PCDHGA5: variants seen among roughly 807,000 people sequenced by gnomAD.
The protein encoded by PCDHGA5 is protocadherin gamma-A5.
In PCDHGA5, 36 loss-of-function variants were observed where a neutral mutation model predicts 56.7. That is an observed-to-expected ratio of 0.64 (90% CI 0.49 to 0.84). The LOEUF (loss-of-function observed/expected upper bound fraction) is 0.84, where lower values mean the gene tolerates loss of function less well. Among genes scored for constraint, PCDHGA5 ranks in the 40% least tolerant of loss-of-function variants. The pLI is 0.00. For synonymous variants in PCDHGA5, 563 were observed against 520.2 expected, an observed-to-expected ratio of 1.08 and a Z score of -1.12; for missense variants, 1,305 against 1,201.5, an observed-to-expected ratio of 1.09 and a Z score of -1.27.
chr5:141,381,890 T>C (rs1471901059), intron 1 of PCDHGA5, among the ~76,000 whole-genome samples: 1 of 139,844 alleles, frequency 7.2e-6, no homozygotes, highest in African/African-American at 2.7e-5. Context: ...AGTGCAATGG[T>C]GTGATCTCGG....
At position 141,364,347 on chromosome 5, in the gene PCDHGA5, G is replaced by C; in HGVS notation, c.17G>C (p.Arg6Thr). MASPP[R>T]GWGCGELLLP... ...GAGAAGGCAATGGCGAGTCCACCTAGGGGCTGGGGCTGCGGAGAGCTGCTG... is the reference window on the plus strand; with the variant it reads ...GAGAAGGCAATGGCGAGTCCACCTACGGGCTGGGGCTGCGGAGAGCTGCTG... Residue 6 changes from arginine to threonine, a missense_variant, in exon 1 of 4, where the codon AGG becomes ACG. Physicochemically the swap from Arg to Thr is moderately conservative, Grantham distance 71 (BLOSUM62 -1). Transcript: ENST00000518069. 1 of 1,543,210 alleles carries C rather than the reference G, an allele frequency of 6.5e-7. No homozygotes were observed. Among genetic ancestry groups the C allele is most frequent in the East Asian group, 2.3e-5 (1 of 44,342 alleles).
chr5:141,433,108 G>A (rs2097568903), intron 1 of PCDHGA5: 2 of 1,614,146 alleles, frequency 1.2e-6, no homozygotes, highest in East Asian at 2.2e-5. Context: ...TCAGCCAGGA[G>A]AGCTTTGAAA....
At chr5:141,411,955 A>G (rs1427605209) in intron 1 of PCDHGA5, 2 of 152,244 alleles carry the variant, frequency 1.3e-5, no homozygotes, top group Admixed American at 6.5e-5. Context: ...TTTGAAGAAA[A>G]AAGATAAAAT....
chr5:141,366,741 G>T lies in PCDHGA5; in HGVS notation c.2411G>T (p.Arg804Leu). 6.2e-7 allele frequency: 1 copy of T among 1,611,828 alleles called. No homozygotes were observed. The highest frequency in any genetic ancestry group is 1.1e-5 in the South Asian group (1 of 90,922). The change falls in exon 1 of 4, where the codon CGG becomes CTG. Residue 804 changes from arginine (R) to leucine (L), a missense_variant. Transcript: ENST00000518069. The part of the protein sequence containing the change: ...SDKVDANKEE[R>L]RVQQAPPNTD... ...AAGGTAGATGCAAACAAAGAAGAAC[G>T]GCGAGTTCAGGTTAGTTTTCTCTTT...
chr5:141,433,767 G>T (rs1237334342), intron 1 of PCDHGA5, among the ~76,000 whole-genome samples: 1 of 151,532 alleles, frequency 6.6e-6, no homozygotes, highest in Non-Finnish European at 1.5e-5. Flanking sequence ...AACCTGGGAG[G>T]TGGAGGTTGC....
At chr5:141,410,469 T>C in intron 1 of PCDHGA5, 1 of 1,614,026 alleles carries the variant, frequency 6.2e-7, no homozygotes, top group Non-Finnish European at 8.5e-7. Context: ...AATCTGTGCA[T>C]TGCACATACG....
intron 1 of PCDHGA5, chr5:141,376,677 T>TTTTTTTTTTG: frequency 9.5e-6 from 1 of 105,324 alleles, no homozygotes; most frequent in Non-Finnish European, 1.5e-5. Flanking sequence ...GAGGGTATCG[T>TTTTTTTTTTG]TTTTTTTTTT....
At chr5:141,482,888 A>G (rs1012212528) in intron 1 of PCDHGA5, among the ~76,000 whole-genome samples, 3 of 152,208 alleles carry the variant, frequency 2.0e-5, no homozygotes, top group African/African-American at 7.2e-5. Context: ...CCTGGCCAAC[A>G]TGGTGAAACC....
intron 1 of PCDHGA5, among the ~76,000 whole-genome samples, chr5:141,467,441 T>C (rs919148544): frequency 6.6e-6 from 1 of 152,340 alleles, no homozygotes; most frequent in African/African-American, 2.4e-5. Context: ...CATTCATTAC[T>C]TTTTTCTTCC....
chr5:141,431,227 C>A lies in PCDHGA5; in HGVS notation c.2422-63580C>A, dbSNP rs759752051. On this transcript the variant is annotated intron_variant, in intron 1 of 3. Transcript: ENST00000518069. This position sits in a 1 kb window ranked among gnomAD's most constrained non-coding sequence, Gnocchi z 4.8. Reference sequence around the variant, plus strand: ...CTGAGATGCGGTTCCCTCTACCCCACGCCTGGGATCCGGATATCGGGAAGA... The same window carrying A: ...CTGAGATGCGGTTCCCTCTACCCCAAGCCTGGGATCCGGATATCGGGAAGA... 6.2e-7 allele frequency: 1 copy of A among 1,614,180 alleles called. No homozygotes were observed. The highest frequency in any genetic ancestry group is 8.5e-7 in the Non-Finnish European group (1 of 1,180,042).
intron 1 of PCDHGA5, chr5:141,372,037 T>TGC (rs772549612): frequency 5.6e-6 from 9 of 1,613,494 alleles, no homozygotes; most frequent in Middle Eastern, 1.7e-4. Flanking sequence ...AACGTGAGCC[T>TGC]GCGCGTGTTG....
intron 1 of PCDHGA5, chr5:141,422,347 G>A (rs1456770985): frequency 3.9e-6 from 6 of 1,553,980 alleles, no homozygotes; most frequent in Non-Finnish European, 5.2e-6. Context: ...AAATGTGCAA[G>A]ATCAAGATTC....
chr5:141,480,402 G>A (rs1268532373), intron 1 of PCDHGA5, among the ~76,000 whole-genome samples: 2 of 145,838 alleles, frequency 1.4e-5, no homozygotes, highest in African/African-American at 2.6e-5. Flanking sequence ...GCAATAGAGT[G>A]AGACCCTGTC....
chr5:141,419,870 G>C, intron 1 of PCDHGA5: 1 of 1,614,054 alleles, frequency 6.2e-7, no homozygotes, highest in Non-Finnish European at 8.5e-7. Context: ...CTTGCAAGAG[G>C]TACTGCCGGA....
intron 1 of PCDHGA5, chr5:141,400,587 C>T: frequency 6.2e-7 from 1 of 1,606,696 alleles, no homozygotes; most frequent in South Asian, 1.1e-5. Flanking sequence ...TTACATGAAA[C>T]TATCGTACAT....
intron 1 of PCDHGA5, chr5:141,440,464 G>C (rs2003094): frequency 1.3e-5 from 2 of 152,150 alleles, no homozygotes; most frequent in Admixed American, 6.5e-5. Context: ...ATGAACAAAC[G>C]GTAGTTGAAA....
intron 1 of PCDHGA5, chr5:141,376,446 GC>G (rs1772699263): frequency 6.2e-7 from 1 of 1,614,074 alleles, no homozygotes. Flanking sequence ...TATGAGAAAA[GC>G]GAGCCTCTTC....
At chr5:141,389,315 G>A (rs1257183989) in intron 1 of PCDHGA5, 2 of 1,613,866 alleles carry the variant, frequency 1.2e-6, no homozygotes, top group African/African-American at 1.3e-5. Flanking sequence ...CTTCTGATCC[G>A]GACTTGGGGC....
intron 2 of PCDHGA5, among the ~76,000 whole-genome samples, chr5:141,503,954 C>T (rs2099834393): frequency 6.6e-6 from 1 of 152,186 alleles, no homozygotes; most frequent in Non-Finnish European, 1.5e-5. Flanking sequence ...GCCTACCCTA[C>T]AGCCTTTCCC....
Sources: gnomAD v4.1 joint callset for allele counts (sites outside exome capture counted in the v4.1 genomes callset) on GRCh38, gnomAD v4.1.1 for gene constraint, Gnocchi (gnomAD v3.1) non-coding constraint, MANE v1.5 for transcripts, NCBI Gene and HGNC (gene_info 2026-07-23, HGNC 2026-07-21) for gene names.